Variants in MYT1L observed in about 807,000 individuals in gnomAD.
MYT1L encodes the protein myelin transcription factor 1 like.
MYT1L carries 12 observed loss-of-function variants against 126.7 expected under a neutral mutation model. That is an observed-to-expected ratio of 0.09 (90% CI 0.06 to 0.15). MYT1L has a LOEUF of 0.15. MYT1L is among the 10% of genes least tolerant of loss of function. MYT1L has a pLI of 1.00. For missense variants in MYT1L, 979 were observed against 1,585.2 expected (o/e 0.62, Z 6.49); for synonymous variants, 541 against 604.2 (o/e 0.90, Z 1.53).
chr2:2,237,020 G>T (rs1310824440), intron 2 of MYT1L, among the ~76,000 whole-genome samples: 8 of 151,932 alleles, frequency 5.3e-5, no homozygotes, highest in African/African-American at 1.9e-4. Flanking sequence ...CTCCATGTTG[G>T]TCAGGTTGGT....
chr2:2,067,660 A>AC (rs1308820442), intron 3 of MYT1L, among the ~76,000 whole-genome samples: 2 of 152,052 alleles, frequency 1.3e-5, no homozygotes, highest in African/African-American at 4.8e-5. Flanking sequence ...AATAAACAGG[A>AC]CCCCCATAGC....
intron 3 of MYT1L, among the ~76,000 whole-genome samples, chr2:2,081,392 C>T (rs1235334274): frequency 6.6e-6 from 1 of 152,160 alleles, no homozygotes; most frequent in Non-Finnish European, 1.5e-5. Context: ...GCAAATGCAC[C>T]TCCCTGAGAA....
At chr2:2,312,962 C>T (rs374464742) in intron 1 of MYT1L, among the ~76,000 whole-genome samples, 13 of 152,088 alleles carry the variant, frequency 8.5e-5, no homozygotes, top group African/African-American at 2.9e-4. Context: ...GGTTGAGTGG[C>T]TATTGTTTGA....
chr2:1,946,988 C>T (rs1025224340), intron 8 of MYT1L, among the ~76,000 whole-genome samples: 6 of 152,196 alleles, frequency 3.9e-5, no homozygotes, highest in Non-Finnish European at 5.9e-5. Flanking sequence ...CCCTTGGTGT[C>T]GCGGGTCATA....
intron 18 of MYT1L, among the ~76,000 whole-genome samples, chr2:1,883,171 G>C (rs1212429190): frequency 6.6e-6 from 1 of 152,196 alleles, no homozygotes; most frequent in Non-Finnish European, 1.5e-5. Context: ...GGTATTATAA[G>C]ATAAAGGCAT....
At chr2:1,933,187 C>T (rs140950005) in intron 9 of MYT1L, among the ~76,000 whole-genome samples, 151 of 152,070 alleles carry the variant, frequency 9.9e-4, no homozygotes, top group African/African-American at 3.4e-3. Flanking sequence ...GCAGCTTCCA[C>T]AGCCCCCACC....
intron 18 of MYT1L, among the ~76,000 whole-genome samples, chr2:1,858,148 G>A (rs770582893): frequency 3.9e-4 from 60 of 152,242 alleles, no homozygotes; most frequent in Non-Finnish European, 3.2e-4. Context: ...ATGGGCGTAA[G>A]CCACCACACA....
At chr2:2,191,040 C>A (rs535629743) in intron 2 of MYT1L, among the ~76,000 whole-genome samples, 1 of 152,238 alleles carries the variant, frequency 6.6e-6, no homozygotes, top group Non-Finnish European at 1.5e-5. Context: ...CCGCCTCAAC[C>A]TCCCAAAGTG....
chr2:2,282,308 T>C (rs1203797884), intron 2 of MYT1L, among the ~76,000 whole-genome samples: 1 of 152,192 alleles, frequency 6.6e-6, no homozygotes, highest in Non-Finnish European at 1.5e-5. Flanking sequence ...TTTAACTGAG[T>C]TTATGAAAAT....
intron 3 of MYT1L, among the ~76,000 whole-genome samples, chr2:2,151,634 G>A (rs895749544): frequency 3.3e-5 from 5 of 152,100 alleles, no homozygotes; most frequent in Non-Finnish European, 5.9e-5. Context: ...ATAAAATCTC[G>A]GATAGTACCA....
intron 18 of MYT1L, among the ~76,000 whole-genome samples, chr2:1,876,912 G>A (rs1052597877): frequency 3.3e-5 from 5 of 152,206 alleles, no homozygotes; most frequent in South Asian, 2.1e-4. Context: ...CCAAATGTCA[G>A]ACCAGGGGAG....
At chr2:2,148,415 G>T (rs1305766470) in intron 3 of MYT1L, among the ~76,000 whole-genome samples, 1 of 152,194 alleles carries the variant, frequency 6.6e-6, no homozygotes, top group Non-Finnish European at 1.5e-5. Flanking sequence ...TCTGATGGGG[G>T]GCGGAGCTCA....
At chr2:1,996,968 C>T (rs576834816) in intron 5 of MYT1L, among the ~76,000 whole-genome samples, 4 of 134,806 alleles carry the variant, frequency 3.0e-5, no homozygotes, top group South Asian at 5.0e-4. Flanking sequence ...TGCACAGAAC[C>T]GAGTGTAGAC....
At chr2:2,272,665 C>A (rs111482434) in intron 2 of MYT1L, among the ~76,000 whole-genome samples, 1 of 152,174 alleles carries the variant, frequency 6.6e-6, no homozygotes, top group Non-Finnish European at 1.5e-5. Context: ...TATTCAACTA[C>A]GAATTTCTCC....
At chr2:2,221,172 T>C (rs909608274) in intron 2 of MYT1L, among the ~76,000 whole-genome samples, 1 of 152,116 alleles carries the variant, frequency 6.6e-6, no homozygotes, top group East Asian at 1.9e-4. Context: ...ATCCTAAGAG[T>C]ACAGAGTTAC....
chr2:2,297,531 C>T (rs1235330589), intron 1 of MYT1L, among the ~76,000 whole-genome samples: 1 of 152,172 alleles, frequency 6.6e-6, no homozygotes, highest in Non-Finnish European at 1.5e-5. Flanking sequence ...GGCGTTCATA[C>T]TTATTTCATA....
At chr2:2,300,945 G>A (rs1226846741) in intron 1 of MYT1L, among the ~76,000 whole-genome samples, 1 of 152,140 alleles carries the variant, frequency 6.6e-6, no homozygotes, top group Non-Finnish European at 1.5e-5. Context: ...GGAGCTACTG[G>A]TCACAGCAAG....
intron 3 of MYT1L, among the ~76,000 whole-genome samples, chr2:2,101,952 T>C (rs2078146909): frequency 6.6e-6 from 1 of 152,256 alleles, no homozygotes; most frequent in Non-Finnish European, 1.5e-5. Context: ...ATTAGGTTTC[T>C]CCATTCCAAA....
intron 1 of MYT1L, among the ~76,000 whole-genome samples, chr2:2,293,936 C>T (rs1424568335): frequency 1.3e-5 from 2 of 152,216 alleles, no homozygotes; most frequent in African/African-American, 4.8e-5. Context: ...TGGATAGCAT[C>T]AGCCATGGGA....
Sources: allele counts gnomAD v4.1 joint callset (sites outside exome capture counted in the v4.1 genomes callset), GRCh38; gene constraint gnomAD v4.1.1; transcripts MANE v1.5; gene names NCBI Gene and HGNC (gene_info 2026-07-23, HGNC 2026-07-21).